The following ITPR1 variants were observed in gnomAD, a reference collection of about 807,000 sequenced individuals.
The protein encoded by ITPR1 is inositol 1,4,5-trisphosphate receptor type 1.
In ITPR1, 96 loss-of-function variants were observed where a neutral mutation model predicts 318.4. The ratio of observed to expected loss-of-function variants is 0.30; its 90% CI spans 0.26 to 0.36. The LOEUF is 0.36. ITPR1 is among the 10% of genes least tolerant of loss of function. ITPR1 has a pLI of 1.00. For missense variants in ITPR1, 2,440 were observed against 3,460.2 expected (o/e 0.71, Z 7.40); for synonymous variants, 1,312 against 1,289.9 (o/e 1.02, Z -0.37).
At chr3:4,734,352 G>A (rs757553196) in intron 43 of ITPR1, among the ~76,000 whole-genome samples, 10 of 151,574 alleles carry the variant, frequency 6.6e-5, no homozygotes, top group Non-Finnish European at 1.5e-4. Flanking sequence ...AGCTGTAGCA[G>A]AGAGAATGTG....
At chr3:4,571,498 C>A (rs1458649252) in intron 4 of ITPR1, among the ~76,000 whole-genome samples, 1 of 151,984 alleles carries the variant, frequency 6.6e-6, no homozygotes, top group Non-Finnish European at 1.5e-5. Context: ...GTTACCACGC[C>A]TGGTTTAAGT....
intron 4 of ITPR1, among the ~76,000 whole-genome samples, chr3:4,578,261 T>C (rs1438646244): frequency 6.6e-6 from 1 of 152,154 alleles, no homozygotes; most frequent in Non-Finnish European, 1.5e-5. Context: ...TAGAAAACAT[T>C]TTTTTTCTGC....
At chr3:4,627,096 C>T (rs2092853593) in intron 4 of ITPR1, among the ~76,000 whole-genome samples, 2 of 151,980 alleles carry the variant, frequency 1.3e-5, no homozygotes, top group Non-Finnish European at 2.9e-5. Flanking sequence ...GCTAGGATTA[C>T]AGGCATGAGC....
In ITPR1 at chr3:4,547,725, A is replaced by G. The variant is rs116793168; in HGVS notation, c.163+26631A>G. On this transcript the variant is annotated intron_variant, in intron 4 of 61. Coordinates refer to ENST00000649015, the MANE Select transcript of ITPR1 (RefSeq NM_001378452.1). The stretch of plus-strand genomic sequence containing the variant: ...TTGATTCCCAACCCCCTTCATATGC[A>G]GTTACACTGGGAATTTAAGTATTTA... Among the ~76,000 whole-genome samples the G allele has an allele frequency of 3.1e-3, 468 of 152,292 alleles. 2 individuals are homozygous for G. Among genetic ancestry groups the G allele is most frequent in the African/African-American group, 0.011 (450 of 41,556 alleles).
intron 45 of ITPR1, among the ~76,000 whole-genome samples, chr3:4,766,988 A>T (rs193051460): frequency 6.6e-6 from 1 of 152,360 alleles, no homozygotes; most frequent in Admixed American, 6.5e-5. Flanking sequence ...TGTGATTCCT[A>T]TTCAATGTTA....
chr3:4,596,459 A>C (rs953806917), intron 4 of ITPR1, among the ~76,000 whole-genome samples: 3 of 152,212 alleles, frequency 2.0e-5, no homozygotes, highest in Non-Finnish European at 4.4e-5. Flanking sequence ...TTGTTGCTTT[A>C]CTAATCACTT....
At chr3:4,639,924 C>G (rs1029606482) in intron 6 of ITPR1, among the ~76,000 whole-genome samples, 12 of 152,198 alleles carry the variant, frequency 7.9e-5, no homozygotes, top group Non-Finnish European at 1.6e-4. Context: ...CATTTTGATA[C>G]ATTTTATACT....
chr3:4,788,076 AATG>A lies in ITPR1; in HGVS notation c.6748_6750del (p.Asp2250del). The A allele has an allele frequency of 6.2e-7, 1 of 1,611,702 alleles. No individual in the cohort carries two copies. Among genetic ancestry groups the A allele is most frequent in the Non-Finnish European group, 8.5e-7 (1 of 1,178,844 alleles). The stretch of plus-strand genomic sequence containing the variant: ...GAGAGACGAACAAGGCAGCAAAATC[AATG>A]ATTTCTTTCTGCGGTCTGAAGACCT... On this transcript the variant is annotated inframe_deletion, in exon 52 of 62. Transcript: ENST00000649015.
intron 42 of ITPR1, among the ~76,000 whole-genome samples, chr3:4,730,730 G>A (rs1362602747): frequency 6.6e-6 from 1 of 152,088 alleles, no homozygotes; most frequent in African/African-American, 2.4e-5. Flanking sequence ...GAAAATCTAA[G>A]CAAGTCACTC....
At chr3:4,727,838 A>T (rs2125309942) in intron 42 of ITPR1, among the ~76,000 whole-genome samples, 1 of 152,368 alleles carries the variant, frequency 6.6e-6, no homozygotes, top group African/African-American at 2.4e-5. Flanking sequence ...GGCCTCCCAA[A>T]GTGCTGGGAT....
chr3:4,668,205 GTTCT>G (rs1362700403), intron 18 of ITPR1, among the ~76,000 whole-genome samples: 11 of 144,622 alleles, frequency 7.6e-5, no homozygotes, highest in Non-Finnish European at 9.0e-5. Flanking sequence ...GGTCTTATTC[GTTCT>G]TTCTATTTTT....
At chr3:4,606,552 T>TA (rs1394850944) in intron 4 of ITPR1, among the ~76,000 whole-genome samples, 1 of 151,992 alleles carries the variant, frequency 6.6e-6, no homozygotes, top group Non-Finnish European at 1.5e-5. Flanking sequence ...CTTTGGTATG[T>TA]AAAGGGCAAG....
rs140725766 is a variant in ITPR1 at position 4,841,205 on chromosome 3, C to T, written c.8190+4270C>T. 1.5e-3 allele frequency among the ~76,000 whole-genome samples: 228 copies of T among 152,248 alleles called. 1 individual carries two copies. The highest frequency in any genetic ancestry group is 5.1e-3 in the African/African-American group (213 of 41,522). ...TAGCAAGAAAGACAAAGAAGTAGAC[C>T]TCTAGCAATCTGATACAGTATGAAT... On this transcript the variant is annotated intron_variant, in intron 61 of 61. Coordinates refer to ENST00000649015, the MANE Select transcript of ITPR1 (RefSeq NM_001378452.1).
chr3:4,698,601 G>A (rs2094595605), intron 34 of ITPR1, among the ~76,000 whole-genome samples: 1 of 152,082 alleles, frequency 6.6e-6, no homozygotes, highest in African/African-American at 2.4e-5. Flanking sequence ...AAGCAGATTT[G>A]GCTGTGTTCC....
intron 52 of ITPR1, among the ~76,000 whole-genome samples, chr3:4,789,652 G>T (rs2047429252): frequency 6.6e-6 from 1 of 151,980 alleles, no homozygotes; most frequent in South Asian, 2.1e-4. Flanking sequence ...CAGAGTCTTG[G>T]TCTGTCGCCC....
At chr3:4,845,272 C>T (rs983504181) in intron 61 of ITPR1, among the ~76,000 whole-genome samples, 4 of 152,158 alleles carry the variant, frequency 2.6e-5, no homozygotes, top group Non-Finnish European at 5.9e-5. Flanking sequence ...TTCCGTATAG[C>T]CTTTTTATCT....
chr3:4,821,613 G>T (rs960215508), intron 60 of ITPR1, among the ~76,000 whole-genome samples: 1 of 152,202 alleles, frequency 6.6e-6, no homozygotes, highest in Non-Finnish European at 1.5e-5. Flanking sequence ...CAGAGCCATG[G>T]CCCTCCCTGC....
intron 61 of ITPR1, among the ~76,000 whole-genome samples, chr3:4,844,642 C>G (rs1450721901): frequency 6.6e-6 from 1 of 152,174 alleles, no homozygotes; most frequent in Non-Finnish European, 1.5e-5. Flanking sequence ...GTTCTCCTTC[C>G]TGAGCCGAAT....
intron 4 of ITPR1, among the ~76,000 whole-genome samples, chr3:4,525,657 C>A (rs569751627): frequency 6.6e-6 from 1 of 152,228 alleles, no homozygotes; most frequent in South Asian, 2.1e-4. Context: ...TAATATGGTA[C>A]CATTTTAAAG....
Sources: allele counts gnomAD v4.1 joint callset (sites outside exome capture counted in the v4.1 genomes callset), GRCh38; gene constraint gnomAD v4.1.1; transcripts MANE v1.5; gene names NCBI Gene and HGNC (gene_info 2026-07-23, HGNC 2026-07-21).